CNKSR2: variants seen among roughly 807,000 people sequenced by gnomAD.
CNKSR2 encodes the protein CNK homolog protein 2.
In CNKSR2, 14 loss-of-function variants were observed where a neutral mutation model predicts 84.4. The ratio of observed to expected loss-of-function variants is 0.17; its 90% confidence interval spans 0.11 to 0.26. CNKSR2 has a LOEUF of 0.26. Ranked by LOEUF, CNKSR2 falls within the 10% of genes least tolerant of loss-of-function variation. CNKSR2 has a pLI of 1.00. For missense variants in CNKSR2, 485 were observed against 771.2 expected, an observed-to-expected ratio of 0.63 and a Z score of 4.40; for synonymous variants, 275 against 277.9, an observed-to-expected ratio of 0.99 and a Z score of 0.10.
intron 1 of CNKSR2, among the ~76,000 whole-genome samples, chrX:21,407,211 G>A (rs1415402920): frequency 8.9e-6 from 1 of 111,795 alleles, no homozygotes; most frequent in Non-Finnish European, 1.9e-5. Context: ...TTGCACTCAG[G>A]AATTATTAGA....
In CNKSR2 at chrX:21,377,505, A is replaced by G. The variant is rs193080470; in HGVS notation, c.64+2544A>G. Among the ~76,000 whole-genome samples the G allele has an allele frequency of 1.4e-4, 16 of 112,211 alleles. No individual in the cohort carries two copies. The East Asian group carries it at 3.3e-3, about 23-fold the overall frequency. On this transcript the variant is annotated intron_variant, in intron 1 of 21. Transcript: ENST00000379510. ...TGTAGTGTTGTAAAGGCAGTACCAA[A>G]GAATGAACAAGACTGTTGAACAACT...
intron 13 of CNKSR2, among the ~76,000 whole-genome samples, chrX:21,571,535 C>A (rs988445736): frequency 4.5e-5 from 5 of 111,872 alleles, no homozygotes; most frequent in African/African-American, 1.6e-4. Flanking sequence ...TCAAAATGAT[C>A]CTATGAGGTT....
intron 20 of CNKSR2, among the ~76,000 whole-genome samples, chrX:21,615,544 G>A (rs2092572963): frequency 9.0e-6 from 1 of 111,391 alleles, no homozygotes. Context: ...TAGCTTTTGA[G>A]GTTGTGTGAG....
chrX:21,598,639 C>T (rs1372539131), intron 17 of CNKSR2, among the ~76,000 whole-genome samples: 1 of 111,894 alleles, frequency 8.9e-6, no homozygotes, highest in Non-Finnish European at 1.9e-5. Context: ...CTAAAATAGC[C>T]TTCCCTCATC....
intron 2 of CNKSR2, among the ~76,000 whole-genome samples, chrX:21,431,355 G>A (rs1250311441): frequency 9.0e-6 from 1 of 111,445 alleles, no homozygotes; most frequent in Non-Finnish European, 1.9e-5. Flanking sequence ...GCTAAGGAAT[G>A]TGGTAGACAT....
chrX:21,567,812 G>A (rs1467500058), intron 13 of CNKSR2, among the ~76,000 whole-genome samples: 2 of 107,600 alleles, frequency 1.9e-5, no homozygotes, highest in Non-Finnish European at 3.9e-5. Context: ...GTGTGTGTGT[G>A]TGTGTGTGTG....
chrX:21,405,211 A>T (rs934347356), intron 1 of CNKSR2, among the ~76,000 whole-genome samples: 3 of 111,799 alleles, frequency 2.7e-5, no homozygotes, highest in African/African-American at 9.7e-5. Flanking sequence ...GATCTTGACT[A>T]GGATTTCATT....
chrX:21,430,535 T>C (rs1425345394), intron 2 of CNKSR2, among the ~76,000 whole-genome samples: 1 of 111,863 alleles, frequency 8.9e-6, no homozygotes, highest in Non-Finnish European at 1.9e-5. Flanking sequence ...TGAACTTCTC[T>C]AAGAGATTAC....
chrX:21,559,440 T>C (rs1201198183), intron 11 of CNKSR2, among the ~76,000 whole-genome samples: 1 of 110,949 alleles, frequency 9.0e-6, no homozygotes, highest in African/African-American at 3.3e-5. Flanking sequence ...TGGGTGCACA[T>C]GCATAGTAGC....
intron 11 of CNKSR2, among the ~76,000 whole-genome samples, chrX:21,551,480 A>G (rs2092091836): frequency 1.8e-5 from 2 of 112,454 alleles, no homozygotes; most frequent in South Asian, 7.3e-4. Flanking sequence ...GAGGGGGGAA[A>G]AAAACCTCTT....
chrX:21,512,662 G>C (rs1200203985), intron 8 of CNKSR2, among the ~76,000 whole-genome samples: 2 of 111,396 alleles, frequency 1.8e-5, no homozygotes, highest in Admixed American at 9.6e-5. Flanking sequence ...TAGTTGCTAG[G>C]ATCTATTTGT....
chrX:21,503,555 C>T (rs1322642387), intron 8 of CNKSR2: 1 of 224,299 alleles, frequency 4.5e-6, no homozygotes, highest in South Asian at 2.8e-4. Context: ...GACTCTAAGA[C>T]CCATGTTCTT....
At chrX:21,590,187 C>G (rs1251417410) in intron 13 of CNKSR2, among the ~76,000 whole-genome samples, 1 of 111,573 alleles carries the variant, frequency 9.0e-6, no homozygotes, top group African/African-American at 3.3e-5. Flanking sequence ...TTCATGTGAA[C>G]AAAGGATAGT....
At chrX:21,544,557 T>C (rs188631148) in intron 11 of CNKSR2, among the ~76,000 whole-genome samples, 3 of 112,199 alleles carry the variant, frequency 2.7e-5, no homozygotes, top group Non-Finnish European at 1.9e-5. Flanking sequence ...AGGTAATGGA[T>C]AAAACAGTAA....
chrX:21,568,999 A>G (rs2092263210), intron 13 of CNKSR2, among the ~76,000 whole-genome samples: 1 of 112,053 alleles, frequency 8.9e-6, no homozygotes, highest in Admixed American at 9.5e-5. Flanking sequence ...GAGATAATGC[A>G]TGTTCAGTTC....
At position 21,533,617 on chromosome X, in the gene CNKSR2, C is replaced by G. The variant is rs547940871; in HGVS notation, c.1303+1550C>G. Among the ~76,000 whole-genome samples the G allele has an allele frequency of 4.5e-5, 5 of 111,336 alleles. No homozygotes were observed. The South Asian group carries it at 1.8e-3, about 41-fold the overall frequency. ...TACATTTTAAAGCCCCTAATGCCAT[C>G]ATGTGCCACAAATCTCCCCCGACTA... On this transcript the variant is annotated intron_variant, in intron 11 of 21. Coordinates refer to ENST00000379510, the MANE Select transcript of CNKSR2 (RefSeq NM_014927.5).
chrX:21,574,054 G>A (rs1357185757), intron 13 of CNKSR2, among the ~76,000 whole-genome samples: 1 of 111,377 alleles, frequency 9.0e-6, no homozygotes, highest in African/African-American at 3.3e-5. Flanking sequence ...TAGGGCAGGG[G>A]AAAAATGCCA....
chrX:21,540,869 T>C (rs777774548), intron 11 of CNKSR2, among the ~76,000 whole-genome samples: 1 of 112,479 alleles, frequency 8.9e-6, no homozygotes, highest in Non-Finnish European at 1.9e-5. Flanking sequence ...TTGCTATATT[T>C]TCCTTGTACA....
chrX:21,483,233 G>A (rs1000528871), intron 5 of CNKSR2, among the ~76,000 whole-genome samples: 10 of 111,328 alleles, frequency 9.0e-5, no homozygotes, highest in African/African-American at 3.3e-4. Context: ...ATACTATGCA[G>A]CCATAAAAAA....
Sources: gnomAD v4.1 joint callset for allele counts (sites outside exome capture counted in the v4.1 genomes callset) on GRCh38, gnomAD v4.1.1 for gene constraint, MANE v1.5 for transcripts, NCBI Gene and HGNC (gene_info 2026-07-23, HGNC 2026-07-21) for gene names.